The following ST7 variants were observed in gnomAD, a reference collection of about 807,000 sequenced individuals.
ST7 encodes the protein suppression of tumorigenicity 7.
ST7 carries 28 observed loss-of-function variants against 78.7 expected under a neutral mutation model. That is an observed-to-expected ratio of 0.36 (90% CI 0.26 to 0.49). The LOEUF (loss-of-function observed/expected upper bound fraction) is 0.49, where lower values mean the gene tolerates loss of function less well. Among genes scored for constraint, ST7 ranks in the 20% least tolerant of loss-of-function variants. The probability of loss-of-function intolerance (pLI) is 0.99; values close to 1 mark genes in which losing one functional copy is unlikely to be tolerated. For synonymous variants in ST7, 247 were observed against 249.6 expected (o/e 0.99, Z 0.10); for missense variants, 418 against 696.0 (o/e 0.60, Z 4.49).
At chr7:117,044,133 A>C (rs778106915) in intron 1 of ST7, among the ~76,000 whole-genome samples, 1 of 152,062 alleles carries the variant, frequency 6.6e-6, no homozygotes, top group Non-Finnish European at 1.5e-5. Context: ...TCTCTCTTAG[A>C]TGTCTTTTTT....
chr7:117,166,665 G>A (rs932637275), intron 9 of ST7, among the ~76,000 whole-genome samples: 2 of 152,016 alleles, frequency 1.3e-5, no homozygotes, highest in Non-Finnish European at 2.9e-5. Flanking sequence ...TGAGGCAGGT[G>A]GATCACAAGG....
intron 1 of ST7, among the ~76,000 whole-genome samples, chr7:116,964,571 G>T (rs968619810): frequency 1.6e-4 from 24 of 152,216 alleles, no homozygotes; most frequent in African/African-American, 5.5e-4. Flanking sequence ...TTGGTATCTT[G>T]TATTTAAAGC....
intron 1 of ST7, among the ~76,000 whole-genome samples, chr7:117,077,844 C>CTTTTTTTT (rs1186348708): frequency 1.7e-5 from 2 of 120,932 alleles, no homozygotes; most frequent in Non-Finnish European, 1.8e-5. Flanking sequence ...TGATTTCTTT[C>CTTTTTTTT]TTTTTTTTTT....
chr7:117,095,630 T>G lies in ST7; in HGVS notation c.152-4132T>G, dbSNP rs751120743. On this transcript the variant is annotated intron_variant, in intron 1 of 15. Transcript: ENST00000323984. ...GTTAGAGGTGCCCAGTCAGGTCCGA[T>G]GAAAAGCCCTCTGATTTGTTGAAAT... 3.3e-5 allele frequency among the ~76,000 whole-genome samples: 5 copies of G among 152,230 alleles called. No homozygotes were observed. The South Asian group carries it at 1.0e-3, about 32-fold the overall frequency.
chr7:117,081,685 T>A (rs1349028133), intron 1 of ST7, among the ~76,000 whole-genome samples: 1 of 152,202 alleles, frequency 6.6e-6, no homozygotes, highest in East Asian at 1.9e-4. Context: ...GGAATTCAGA[T>A]ATAATAGTGA....
chr7:117,167,959 A>G (rs1189429554), intron 9 of ST7, among the ~76,000 whole-genome samples: 1 of 152,116 alleles, frequency 6.6e-6, no homozygotes, highest in African/African-American at 2.4e-5. Flanking sequence ...GTGTGGAGTA[A>G]ACAGAGCCAA....
At chr7:117,201,720 C>T (rs1810873796) in intron 12 of ST7, among the ~76,000 whole-genome samples, 2 of 152,020 alleles carry the variant, frequency 1.3e-5, no homozygotes, top group Admixed American at 1.3e-4. Flanking sequence ...TGGTCTTGAA[C>T]TCCTGGGCTG....
chr7:116,955,158 G>C (rs1792390623), intron 1 of ST7: 3 of 469,588 alleles, frequency 6.4e-6, no homozygotes, highest in Non-Finnish European at 1.3e-5. Flanking sequence ...AGACAAGTAT[G>C]TCTCCAGGAT....
intron 1 of ST7, among the ~76,000 whole-genome samples, chr7:116,960,224 C>T (rs1272806724): frequency 6.6e-6 from 1 of 151,860 alleles, no homozygotes; most frequent in Non-Finnish European, 1.5e-5. Context: ...GAGTCTCGCT[C>T]TGTTGCCCAG....
chr7:117,086,051 G>C (rs1800119776), intron 1 of ST7, among the ~76,000 whole-genome samples: 1 of 151,796 alleles, frequency 6.6e-6, no homozygotes, highest in Non-Finnish European at 1.5e-5. Context: ...CCTCCCCCTT[G>C]TTTTCTTTTC....
intron 10 of ST7, chr7:117,173,510 C>T (rs766822897): frequency 1.3e-5 from 2 of 152,312 alleles, no homozygotes; most frequent in Non-Finnish European, 2.9e-5. Flanking sequence ...ATCCCTGCTG[C>T]TTTTCCTGGA....
intron 1 of ST7, among the ~76,000 whole-genome samples, chr7:117,067,297 T>C (rs573431610): frequency 2.2e-4 from 33 of 152,190 alleles, no homozygotes; most frequent in Non-Finnish European, 4.1e-4. Context: ...CTCTATCATT[T>C]ACATTTTGAA....
At chr7:117,070,970 G>A (rs1043131394) in intron 1 of ST7, among the ~76,000 whole-genome samples, 3 of 151,804 alleles carry the variant, frequency 2.0e-5, no homozygotes, top group East Asian at 2.0e-4. Context: ...CTGTAATCCC[G>A]GCACTTTGGG....
chr7:116,958,162 ATTTTTTTT>A (rs34132237), intron 1 of ST7, among the ~76,000 whole-genome samples: 8 of 95,614 alleles, frequency 8.4e-5, no homozygotes, highest in African/African-American at 1.7e-4. Flanking sequence ...TGCGTGGCTA[ATTTTTTTT>A]TTTTTTTTTT....
chr7:117,203,648 T>A (rs1284492034), intron 12 of ST7, among the ~76,000 whole-genome samples: 1 of 152,236 alleles, frequency 6.6e-6, no homozygotes, highest in Non-Finnish European at 1.5e-5. Flanking sequence ...ATTTGCTTCC[T>A]TAGTGCTAAG....
intron 9 of ST7, among the ~76,000 whole-genome samples, chr7:117,139,275 T>A (rs1206989589): frequency 6.6e-6 from 1 of 152,222 alleles, no homozygotes; most frequent in Non-Finnish European, 1.5e-5. Flanking sequence ...ATTTATAGGC[T>A]ATTTTCTTTT....
At chr7:116,978,509 A>G (rs1332621346) in intron 1 of ST7, among the ~76,000 whole-genome samples, 1 of 152,222 alleles carries the variant, frequency 6.6e-6, no homozygotes, top group Non-Finnish European at 1.5e-5. Flanking sequence ...GATTATTATG[A>G]CTGACAAAGA....
At chr7:117,147,873 T>C (rs1401802307) in intron 9 of ST7, among the ~76,000 whole-genome samples, 3 of 151,028 alleles carry the variant, frequency 2.0e-5, no homozygotes, top group Non-Finnish European at 4.4e-5. Context: ...GATTTTTTTC[T>C]TTACATTATG....
intron 2 of ST7, among the ~76,000 whole-genome samples, chr7:117,100,073 A>G (rs867022853): frequency 6.6e-6 from 1 of 152,194 alleles, no homozygotes; most frequent in Admixed American, 6.5e-5. Context: ...GTTGAAGGGG[A>G]AAAACAAATG....
Sources: allele counts gnomAD v4.1 joint callset (sites outside exome capture counted in the v4.1 genomes callset), GRCh38; gene constraint gnomAD v4.1.1; transcripts MANE v1.5; gene names NCBI Gene and HGNC (gene_info 2026-07-23, HGNC 2026-07-21).